The following NRG1 variants were observed in gnomAD, a reference collection of about 807,000 sequenced individuals.
NRG1 encodes neuregulin 1, also known as pro-neuregulin-1, membrane-bound isoform.
NRG1 carries 18 observed loss-of-function variants against 63.8 expected under a neutral mutation model. The ratio of observed to expected loss-of-function variants is 0.28; its 90% CI spans 0.19 to 0.42. The LOEUF is 0.42. Among genes scored for constraint, NRG1 ranks in the 10% least tolerant of loss-of-function variants. The pLI is 1.00. For missense variants in NRG1, 762 were observed against 814.7 expected, an observed-to-expected ratio of 0.94 and a Z score of 0.79; for synonymous variants, 302 against 301.3, an observed-to-expected ratio of 1.00 and a Z score of -0.02.
At position 32,427,819 on chromosome 8, in the gene NRG1, C is replaced by T. The variant is rs1330554765; in HGVS notation, c.38-168009C>T. Among the ~76,000 whole-genome samples the T allele has an allele frequency of 2.0e-5, 3 of 152,196 alleles. No individual in the cohort carries two copies. The East Asian group carries it at 5.8e-4, about 29-fold the overall frequency. On this transcript the variant is annotated intron_variant, in intron 1 of 10. Transcript: ENST00000519301. ...TCAGTGTCAAGGAAATGGAGAAATG[C>T]CTCATTATTTATGTTGACTAATGTA...
At chr8:32,136,782 G>A (rs1249384763) in intron 1 of NRG1, 7 of 152,108 alleles carry the variant, frequency 4.6e-5, no homozygotes, top group Admixed American at 3.3e-4. Flanking sequence ...ATTTCTAAGA[G>A]GTTCTAAAAT....
At chr8:31,810,229 T>C (rs1347200870) in intron 1 of NRG1, among the ~76,000 whole-genome samples, 1 of 152,162 alleles carries the variant, frequency 6.6e-6, no homozygotes, top group African/African-American at 2.4e-5. Flanking sequence ...ACTTACTCTA[T>C]TGCAGCAGCA....
At position 31,685,108 on chromosome 8, in the gene NRG1, CA is replaced by C. The variant is rs542394591; in HGVS notation, c.37+45678del. Among the ~76,000 whole-genome samples, 1,089 of 152,232 alleles carry C rather than the reference CA, an allele frequency of 7.2e-3. 9 individuals are homozygous for C. Among genetic ancestry groups the C allele is most frequent in the African/African-American group, 0.025 (1,037 of 41,530 alleles). ...ATTTTCTTTTTAAAATTCAAGCTCA[CA>C]TATTAAAAATGTAGTCGATGCTGTT... On this transcript the variant is annotated intron_variant, in intron 1 of 10. Transcript: ENST00000519301.
intron 1 of NRG1, among the ~76,000 whole-genome samples, chr8:31,815,186 G>T (rs1010868315): frequency 6.6e-6 from 1 of 152,034 alleles, no homozygotes; most frequent in African/African-American, 2.4e-5. Flanking sequence ...CATTGCCATA[G>T]CTCCTTTAAT....
At chr8:32,388,994 C>T (rs1371355377) in intron 1 of NRG1, among the ~76,000 whole-genome samples, 1 of 152,214 alleles carries the variant, frequency 6.6e-6, no homozygotes, top group Non-Finnish European at 1.5e-5. Context: ...GAAATAGCCA[C>T]ATTTTGACCT....
intron 1 of NRG1, among the ~76,000 whole-genome samples, chr8:31,710,342 T>C (rs564367620): frequency 6.6e-6 from 1 of 152,074 alleles, no homozygotes; most frequent in Non-Finnish European, 1.5e-5. Flanking sequence ...AAATATTCCA[T>C]AAATCCATAA....
intron 1 of NRG1, among the ~76,000 whole-genome samples, chr8:31,892,988 G>T (rs1431003642): frequency 6.6e-6 from 1 of 151,824 alleles, no homozygotes; most frequent in Non-Finnish European, 1.5e-5. Context: ...TTTTCAAAAT[G>T]TAGTCTAAAG....
At chr8:31,842,107 A>G (rs566102355) in intron 1 of NRG1, among the ~76,000 whole-genome samples, 1 of 152,320 alleles carries the variant, frequency 6.6e-6, no homozygotes, top group Admixed American at 6.5e-5. Context: ...GCAAACTGGA[A>G]GTGATTGATT....
intron 1 of NRG1, chr8:32,287,409 T>A (rs1410100209): frequency 2.0e-5 from 3 of 152,230 alleles, no homozygotes; most frequent in African/African-American, 7.2e-5. Flanking sequence ...GCAATTAACC[T>A]ACCACAGGCT....
At chr8:31,772,495 C>A (rs899275708) in intron 1 of NRG1, among the ~76,000 whole-genome samples, 1 of 152,172 alleles carries the variant, frequency 6.6e-6, no homozygotes, top group Admixed American at 6.5e-5. Flanking sequence ...CCTTCCATCT[C>A]CTAGTAGTAT....
At chr8:31,908,826 A>C (rs1260683537) in intron 1 of NRG1, among the ~76,000 whole-genome samples, 2 of 152,196 alleles carry the variant, frequency 1.3e-5, no homozygotes, top group African/African-American at 4.8e-5. Flanking sequence ...AAGGGAAAAA[A>C]AGCCAGATAA....
intron 1 of NRG1, among the ~76,000 whole-genome samples, chr8:32,003,525 T>C (rs1258726680): frequency 2.6e-5 from 4 of 151,872 alleles, no homozygotes; most frequent in African/African-American, 4.8e-5. Flanking sequence ...AAATGAAATA[T>C]AGAAATGATA....
At chr8:31,706,757 A>T (rs996160460) in intron 1 of NRG1, among the ~76,000 whole-genome samples, 11 of 152,206 alleles carry the variant, frequency 7.2e-5, no homozygotes. Context: ...AAAATAATAC[A>T]TTAGCAAATT....
intron 7 of NRG1, chr8:32,743,188 G>C (rs561456251): frequency 1.0e-6 from 1 of 986,616 alleles, no homozygotes; most frequent in Admixed American, 6.1e-5. Context: ...TTTTGATTCA[G>C]AATGTGTTAT....
chr8:31,929,850 A>G (rs1303869115), intron 1 of NRG1, among the ~76,000 whole-genome samples: 2 of 152,094 alleles, frequency 1.3e-5, no homozygotes, highest in Non-Finnish European at 2.9e-5. Context: ...TCTCATTGTT[A>G]TTTACTGGCT....
At chr8:31,713,067 A>C (rs1460316431) in intron 1 of NRG1, among the ~76,000 whole-genome samples, 2 of 148,486 alleles carry the variant, frequency 1.3e-5, no homozygotes, top group African/African-American at 4.9e-5. Flanking sequence ...TGTATTTAGG[A>C]GGCTTCAGCA....
chr8:31,642,412 G>A (rs142800044), intron 1 of NRG1, among the ~76,000 whole-genome samples: 2 of 152,282 alleles, frequency 1.3e-5, no homozygotes, highest in African/African-American at 4.8e-5. Flanking sequence ...AGGATTGGGG[G>A]TGCATTACTA....
chr8:32,216,816 A>G (rs1283682954), intron 1 of NRG1, among the ~76,000 whole-genome samples: 2 of 152,132 alleles, frequency 1.3e-5, no homozygotes, highest in South Asian at 2.1e-4. Context: ...ACATAATTCT[A>G]TTAGTTAGAG....
intron 6 of NRG1, among the ~76,000 whole-genome samples, chr8:32,729,524 T>G (rs1318426348): frequency 6.6e-6 from 1 of 152,230 alleles, no homozygotes; most frequent in African/African-American, 2.4e-5. Flanking sequence ...AAAACTGTTT[T>G]CTGCTAGAAT....
Sources: allele counts gnomAD v4.1 joint callset (sites outside exome capture counted in the v4.1 genomes callset), GRCh38; gene constraint gnomAD v4.1.1; transcripts MANE v1.5; gene names NCBI Gene and HGNC (gene_info 2026-07-23, HGNC 2026-07-21).